The following IGF2BP2 variants were observed in gnomAD, a reference collection of about 807,000 sequenced individuals.
The protein encoded by IGF2BP2 is insulin-like growth factor 2 mRNA-binding protein 2.
In IGF2BP2, 17 loss-of-function variants were observed where a neutral mutation model predicts 75.8. The observed-to-expected ratio is 0.22, with a 90% CI of 0.15 to 0.34. The LOEUF (loss-of-function observed/expected upper bound fraction) is 0.34. Among genes scored for constraint, IGF2BP2 ranks in the 10% least tolerant of loss-of-function variants. The pLI is 1.00. For missense variants in IGF2BP2, 516 were observed against 772.4 expected (o/e 0.67, Z 3.93); for synonymous variants, 288 against 295.6 (o/e 0.97, Z 0.26).
At chr3:185,655,288 T>G (rs1471572958) in intron 12 of IGF2BP2, among the ~76,000 whole-genome samples, 1 of 152,130 alleles carries the variant, frequency 6.6e-6, no homozygotes, top group Non-Finnish European at 1.5e-5. Flanking sequence ...CCCGCCATCA[T>G]GCATGGCTAA....
intron 2 of IGF2BP2, among the ~76,000 whole-genome samples, chr3:185,783,645 T>C (rs184424301): frequency 1.6e-4 from 25 of 152,322 alleles, no homozygotes; most frequent in African/African-American, 6.0e-4. Flanking sequence ...GGTTAATACC[T>C]ATTTGTGCAT....
At chr3:185,682,085 T>A (rs939002971) in intron 7 of IGF2BP2, among the ~76,000 whole-genome samples, 2 of 152,224 alleles carry the variant, frequency 1.3e-5, no homozygotes, top group African/African-American at 4.8e-5. Flanking sequence ...TAAAAACTTT[T>A]GTGCATCAAA....
chr3:185,761,023 C>T (rs1202479249), intron 2 of IGF2BP2, among the ~76,000 whole-genome samples: 2 of 152,034 alleles, frequency 1.3e-5, no homozygotes, highest in African/African-American at 4.8e-5. Flanking sequence ...GGGGGGGAAC[C>T]AGTAAAGAAT....
chr3:185,812,079 T>C (rs559300109), intron 2 of IGF2BP2, among the ~76,000 whole-genome samples: 1 of 152,284 alleles, frequency 6.6e-6, no homozygotes, highest in East Asian at 1.9e-4. Flanking sequence ...TGAGGGGGTG[T>C]GTATTAAAGT....
At position 185,664,942 on chromosome 3, in the gene IGF2BP2, A is replaced by C. The variant is rs567028009; in HGVS notation, c.1201-6533T>G. Among the ~76,000 whole-genome samples, 66 of 152,294 alleles carry C rather than the reference A, an allele frequency of 4.3e-4. No homozygotes were observed. The South Asian group carries it at 0.013, about 31-fold the overall frequency. ...TCTTTAGATCAAAGCACTCAGATTC[A>C]GATTCCTGAATTCCAAGGGTAAAGG... On this transcript the variant is annotated intron_variant, in intron 10 of 15. Coordinates refer to ENST00000382199, the MANE Select transcript of IGF2BP2 (RefSeq NM_006548.6).
intron 2 of IGF2BP2, among the ~76,000 whole-genome samples, chr3:185,772,991 A>G (rs1438865003): frequency 1.3e-5 from 2 of 152,190 alleles, no homozygotes; most frequent in Non-Finnish European, 2.9e-5. Context: ...AAGCTCCAGG[A>G]TTTAAATGGT....
intron 2 of IGF2BP2, among the ~76,000 whole-genome samples, chr3:185,813,342 T>A (rs1740162735): frequency 6.6e-6 from 1 of 152,256 alleles, no homozygotes; most frequent in Non-Finnish European, 1.5e-5. Context: ...TTTTTCAATA[T>A]CTGAGCTTAA....
intron 9 of IGF2BP2, among the ~76,000 whole-genome samples, chr3:185,672,891 A>G (rs1021765524): frequency 6.6e-6 from 1 of 152,098 alleles, no homozygotes; most frequent in African/African-American, 2.4e-5. Flanking sequence ...ATATCTTGTC[A>G]TGGAAAATGA....
At chr3:185,660,317 C>A (rs999232731) in intron 10 of IGF2BP2, among the ~76,000 whole-genome samples, 10 of 152,156 alleles carry the variant, frequency 6.6e-5, no homozygotes, top group African/African-American at 2.4e-4. Context: ...GTCTGGTGAC[C>A]CAGCTTTCAC....
At chr3:185,661,470 C>T (rs968430339) in intron 10 of IGF2BP2, among the ~76,000 whole-genome samples, 3 of 151,820 alleles carry the variant, frequency 2.0e-5, no homozygotes, top group African/African-American at 2.4e-5. Flanking sequence ...AACCCCATCG[C>T]TAGCAAAAAT....
intron 2 of IGF2BP2, among the ~76,000 whole-genome samples, chr3:185,762,317 C>G (rs370678204): frequency 4.1e-5 from 6 of 146,060 alleles, no homozygotes; most frequent in Non-Finnish European, 8.9e-5. Flanking sequence ...CACCTGAGGT[C>G]AGGAGTTCGA....
intron 2 of IGF2BP2, among the ~76,000 whole-genome samples, chr3:185,788,052 T>G (rs1578304544): frequency 6.6e-6 from 1 of 152,348 alleles, no homozygotes; most frequent in South Asian, 2.1e-4. Flanking sequence ...GGACTTTCCT[T>G]ATCTGTCTGT....
intron 6 of IGF2BP2, among the ~76,000 whole-genome samples, chr3:185,688,813 C>T (rs185158420): frequency 1.4e-3 from 209 of 152,320 alleles, no homozygotes; most frequent in African/African-American, 4.9e-3. Context: ...TAGGAAGATA[C>T]AAAAATCAAC....
intron 2 of IGF2BP2, among the ~76,000 whole-genome samples, chr3:185,791,073 T>C (rs150465521): frequency 2.9e-4 from 44 of 152,350 alleles, no homozygotes; most frequent in East Asian, 1.7e-3. Context: ...TAGATGACAA[T>C]TGACCCCAGA....
chr3:185,796,015 G>A (rs1737323860), intron 2 of IGF2BP2, among the ~76,000 whole-genome samples: 1 of 152,192 alleles, frequency 6.6e-6, no homozygotes, highest in Non-Finnish European at 1.5e-5. Context: ...ACACAGCACT[G>A]AGGAGGATAA....
chr3:185,695,890 C>A (rs780785692), intron 4 of IGF2BP2, among the ~76,000 whole-genome samples: 5 of 152,160 alleles, frequency 3.3e-5, no homozygotes, highest in Non-Finnish European at 7.4e-5. Context: ...CAGGCTCAAG[C>A]GATTCTCGTG....
chr3:185,705,092 C>A (rs1273356991), intron 2 of IGF2BP2, among the ~76,000 whole-genome samples: 1 of 152,156 alleles, frequency 6.6e-6, no homozygotes, highest in Non-Finnish European at 1.5e-5. Flanking sequence ...ACTGTGGTGA[C>A]CTGCTGCAAA....
intron 2 of IGF2BP2, among the ~76,000 whole-genome samples, chr3:185,789,655 T>C (rs976214458): frequency 6.6e-6 from 1 of 151,240 alleles, no homozygotes; most frequent in Non-Finnish European, 1.5e-5. Context: ...TGAAATCTAG[T>C]TAAGTAAGCA....
At chr3:185,799,056 G>A (rs924431632) in intron 2 of IGF2BP2, among the ~76,000 whole-genome samples, 7 of 151,458 alleles carry the variant, frequency 4.6e-5, no homozygotes, top group African/African-American at 9.7e-5. Flanking sequence ...GATTACAGGC[G>A]TGAGCCACTG....
Sources: allele counts gnomAD v4.1 joint callset (sites outside exome capture counted in the v4.1 genomes callset), GRCh38; gene constraint gnomAD v4.1.1; transcripts MANE v1.5; gene names NCBI Gene and HGNC (gene_info 2026-07-23, HGNC 2026-07-21).